The following BCR variants were observed in gnomAD, a reference collection of about 807,000 sequenced individuals.
BCR encodes BCR activator of RhoGEF and GTPase, also known as breakpoint cluster region protein.
BCR carries 58 observed loss-of-function variants against 138.6 expected under a neutral mutation model. The observed-to-expected ratio is 0.42, with a 90% CI of 0.34 to 0.52. The LOEUF (loss-of-function observed/expected upper bound fraction) is 0.52. BCR is among the 20% of genes least tolerant of loss of function. The probability of loss-of-function intolerance (pLI) is 0.06; values close to 1 mark genes in which losing one functional copy is unlikely to be tolerated. For synonymous variants in BCR, 786 were observed against 730.1 expected, an observed-to-expected ratio of 1.08 and a Z score of -1.23; for missense variants, 1,599 against 1,727.2, an observed-to-expected ratio of 0.93 and a Z score of 1.32.
At chr22:23,304,972 G>A (rs917306729) in intron 16 of BCR, among the ~76,000 whole-genome samples, 22 of 152,068 alleles carry the variant, frequency 1.4e-4, no homozygotes, top group Admixed American at 3.9e-4. Flanking sequence ...AAAATTAACC[G>A]GGCATGGTGG....
chr22:23,287,093 A>G (rs904112420), intron 10 of BCR, 66 bp from the exon 11 acceptor site: 2 of 1,552,052 alleles, frequency 1.3e-6, no homozygotes, highest in South Asian at 1.2e-5. Flanking sequence ...GTGGGGATGG[A>G]TGGAATGGGA....
intron 21 of BCR, 24 bp downstream of exon 21, chr22:23,314,097 C>CCCAGGGCT: frequency 6.3e-7 from 1 of 1,588,712 alleles, no homozygotes; most frequent in Non-Finnish European, 8.6e-7. Flanking sequence ...CCCATGGCAG[C>CCCAGGGCT]CCAGGGCTCC....
intron 2 of BCR, chr22:23,254,563 A>G (rs1363128157): frequency 2.0e-6 from 1 of 508,320 alleles, no homozygotes; most frequent in South Asian, 1.4e-5. Flanking sequence ...AAAGCAGTGG[A>G]CCCACGCCCC....
intron 1 of BCR, among the ~76,000 whole-genome samples, chr22:23,211,066 C>G (rs528325963): frequency 5.9e-5 from 9 of 152,204 alleles, no homozygotes; most frequent in Non-Finnish European, 2.9e-5. Context: ...CTCCCCATCC[C>G]CTTCTTCTGT....
chr22:23,242,811 C>G (rs969332635), intron 1 of BCR: 3 of 454,184 alleles, frequency 6.6e-6, no homozygotes, highest in East Asian at 1.4e-4. Context: ...CATTTATTCT[C>G]TCCCAGTTCT....
At chr22:23,220,803 A>G (rs894198159) in intron 1 of BCR, among the ~76,000 whole-genome samples, 6 of 152,208 alleles carry the variant, frequency 3.9e-5, no homozygotes, top group African/African-American at 1.4e-4. Context: ...TTGTTGATGC[A>G]TCAGAGAGAG....
intron 20 of BCR, 77 bp from the exon 21 acceptor site, chr22:23,313,891 A>T: frequency 8.7e-7 from 1 of 1,143,094 alleles, no homozygotes. Flanking sequence ...CACAAGCCCC[A>T]GGTGCTCCAT....
rs759918664 is a variant in BCR, at chr22:23,182,107, C to T, written c.1147C>T (p.Pro383Ser). The change falls in exon 1 of 23, where the codon CCC becomes TCC. Residue 383 changes from proline (P) to serine (S), a missense_variant. By Grantham distance (74) the Pro-to-Ser change is moderately conservative. Around this residue, in one of 4 missense-constraint regions of BCR, gnomAD observed 806 missense variants for 635.0 expected, o/e 1.27. Coordinates refer to ENST00000305877, the MANE Select transcript of BCR (RefSeq NM_004327.4). ...NSQQSFDSSS[P>S]PTPQCHKRHR... is the part of the protein sequence containing the mutation. ...GCAACAGTCCTTCGACAGCAGCAGT[C>T]CCCCCACGCCGCAGTGCCATAAGCG... 4 of 1,612,276 alleles carry T rather than the reference C, an allele frequency of 2.5e-6. No homozygotes were observed. Among genetic ancestry groups the T allele is most frequent in the Non-Finnish European group, 3.4e-6 (4 of 1,180,010 alleles).
intron 1 of BCR, among the ~76,000 whole-genome samples, chr22:23,225,085 G>T (rs946275147): frequency 6.6e-6 from 1 of 151,878 alleles, no homozygotes; most frequent in Non-Finnish European, 1.5e-5. Context: ...GCCTGGAGCA[G>T]GATAAGATGA....
chr22:23,292,451 C>A, intron 14 of BCR, 90 bp from the exon 15 acceptor site: 1 of 936,388 alleles, frequency 1.1e-6, no homozygotes, highest in South Asian at 1.5e-5. Flanking sequence ...TTTATTTTTT[C>A]TGATTCTGCA....
intron 9 of BCR, among the ~76,000 whole-genome samples, chr22:23,284,727 C>CT (rs1350664959): frequency 6.6e-6 from 1 of 152,184 alleles, no homozygotes; most frequent in East Asian, 1.9e-4. Context: ...CAGTCCTGTC[C>CT]TGTCATTGTG....
At chr22:23,233,873 C>T (rs2072990739) in intron 1 of BCR, among the ~76,000 whole-genome samples, 1 of 151,240 alleles carries the variant, frequency 6.6e-6, no homozygotes. Context: ...CAGCCAGGGG[C>T]CCATGGAGAA....
At chr22:23,253,311 C>G (rs2073252955) in intron 1 of BCR, among the ~76,000 whole-genome samples, 1 of 152,174 alleles carries the variant, frequency 6.6e-6, no homozygotes, top group African/African-American at 2.4e-5. Flanking sequence ...GTGATCAACT[C>G]AACCTTCAAC....
chr22:23,269,523 T>C lies in BCR; in HGVS notation c.1860+1008T>C, dbSNP rs150481993. ...GTTGCTGAGGCTTTGTGCCGTCTTA[T>C]TGTTTATCACCGGATGGAGCATCAC... On this transcript the variant is annotated intron_variant, in intron 5 of 22. Coordinates refer to ENST00000305877, the MANE Select transcript of BCR (RefSeq NM_004327.4). Among the ~76,000 whole-genome samples, 126 of 152,324 alleles carry C rather than the reference T, an allele frequency of 8.3e-4. 1 individual carries two copies. The highest frequency in any genetic ancestry group is 5.4e-3 in the East Asian group (28 of 5,170).
intron 8 of BCR, among the ~76,000 whole-genome samples, chr22:23,280,962 AACAC>A (rs760056654): frequency 6.6e-6 from 1 of 152,196 alleles, no homozygotes; most frequent in Admixed American, 6.5e-5. Context: ...CTTGCATGGG[AACAC>A]ACACACAGAA....
rs1243411594 is a variant in BCR at position 23,317,352 on chromosome 22, C to T, written c.*1830C>T. ...GTGTCACCGTCGTGGGTGGCGAGGA[C>T]AGAACAGGAGCCTCTGCTCTCTGTA... On this transcript the variant is annotated 3_prime_UTR_variant, in exon 23 of 23. Transcript: ENST00000305877. 1.6e-5 allele frequency: 3 copies of T among 186,080 alleles called. No homozygotes were observed. Among genetic ancestry groups the T allele is most frequent in the Non-Finnish European group, 3.1e-5 (3 of 95,512 alleles). The allele number at this position is 186,080 out of a possible 1,614,324, so 11.5% of individuals were successfully genotyped here.
At chr22:23,257,372 A>G (rs2073305952) in intron 2 of BCR, among the ~76,000 whole-genome samples, 1 of 152,064 alleles carries the variant, frequency 6.6e-6, no homozygotes, top group Non-Finnish European at 1.5e-5. Flanking sequence ...AACCATGTGG[A>G]CAGAACGAGA....
At chr22:23,231,772 G>A (rs947120520) in intron 1 of BCR, among the ~76,000 whole-genome samples, 2 of 152,238 alleles carry the variant, frequency 1.3e-5, no homozygotes, top group African/African-American at 4.8e-5. Flanking sequence ...GGGCCTGTGA[G>A]TTATGTCCCC....
At chr22:23,209,025 A>G (rs768803078) in intron 1 of BCR, among the ~76,000 whole-genome samples, 4 of 152,142 alleles carry the variant, frequency 2.6e-5, no homozygotes, top group Admixed American at 6.5e-5. Flanking sequence ...ACGTAACGTC[A>G]TGTCCTCAAG....
Sources: gnomAD v4.1 joint callset for allele counts (sites outside exome capture counted in the v4.1 genomes callset) on GRCh38, gnomAD v4.1.1 for gene constraint, gnomAD v4.1.1 regional missense constraint, MANE v1.5 for transcripts, NCBI Gene and HGNC (gene_info 2026-07-23, HGNC 2026-07-21) for gene names.